The following MAP7 variants were observed in gnomAD, a reference collection of about 807,000 sequenced individuals.
MAP7 encodes the protein microtubule associated protein 7.
In MAP7, 52 loss-of-function variants were observed where a neutral mutation model predicts 94.8. The ratio of observed to expected loss-of-function variants is 0.55; its 90% CI spans 0.44 to 0.69. The LOEUF is 0.69. Among genes scored for constraint, MAP7 ranks in the 30% least tolerant of loss-of-function variants. The probability of loss-of-function intolerance (pLI) is 0.00; values close to 1 mark genes in which losing one functional copy is unlikely to be tolerated. For synonymous variants in MAP7, 350 were observed against 357.0 expected, an observed-to-expected ratio of 0.98 and a Z score of 0.22; for missense variants, 940 against 964.6, an observed-to-expected ratio of 0.97 and a Z score of 0.34.
intron 3 of MAP7, among the ~76,000 whole-genome samples, chr6:136,396,347 C>T (rs560392174): frequency 6.6e-6 from 1 of 151,804 alleles, no homozygotes; most frequent in South Asian, 2.1e-4. Context: ...TTCTTGATTT[C>T]TTTTTCCACT....
intron 1 of MAP7, among the ~76,000 whole-genome samples, chr6:136,512,962 G>T (rs1458857565): frequency 2.0e-5 from 3 of 151,708 alleles, no homozygotes; most frequent in Non-Finnish European, 4.4e-5. Flanking sequence ...CTCTCAAGTT[G>T]CTAGGACTAT....
intron 1 of MAP7, among the ~76,000 whole-genome samples, chr6:136,527,091 T>C (rs112160375): frequency 0.012 from 1,789 of 152,210 alleles, 25 homozygotes; most frequent in Non-Finnish European, 0.015. Context: ...CCCCCCACCC[T>C]CAATCCCTAC....
At chr6:136,513,869 G>C (rs375907916) in intron 1 of MAP7, among the ~76,000 whole-genome samples, 9 of 152,314 alleles carry the variant, frequency 5.9e-5, no homozygotes, top group Admixed American at 3.3e-4. Context: ...AGGGTGTTAA[G>C]TGAAAATGTT....
At chr6:136,457,338 C>T (rs1803646440) in intron 1 of MAP7, among the ~76,000 whole-genome samples, 1 of 151,782 alleles carries the variant, frequency 6.6e-6, no homozygotes, top group South Asian at 2.1e-4. Context: ...CCCCCATCCC[C>T]TGCCCCAAAA....
chr6:136,397,435 A>G (rs1300248520), intron 3 of MAP7, among the ~76,000 whole-genome samples: 1 of 152,180 alleles, frequency 6.6e-6, no homozygotes, highest in African/African-American at 2.4e-5. Context: ...CTCATTAAGA[A>G]ATGATAATTT....
At chr6:136,526,082 G>C (rs1827770036) in intron 1 of MAP7, 1 of 1,427,694 alleles carries the variant, frequency 7.0e-7, no homozygotes, top group African/African-American at 1.5e-5. Flanking sequence ...TTGAGCACTT[G>C]TAATAGATCC....
intron 3 of MAP7, among the ~76,000 whole-genome samples, chr6:136,405,739 T>C (rs1785394062): frequency 6.6e-6 from 1 of 152,162 alleles, no homozygotes; most frequent in African/African-American, 2.4e-5. Context: ...TATTGCAGAA[T>C]CCGGGTGAAA....
chr6:136,435,796 G>A (rs1396306045), intron 1 of MAP7, among the ~76,000 whole-genome samples: 1 of 152,132 alleles, frequency 6.6e-6, no homozygotes, highest in African/African-American at 2.4e-5. Context: ...AAGAAAACCT[G>A]CTTTAGAAAT....
At chr6:136,453,848 T>C (rs1801928174) in intron 1 of MAP7, among the ~76,000 whole-genome samples, 1 of 152,228 alleles carries the variant, frequency 6.6e-6, no homozygotes, top group Non-Finnish European at 1.5e-5. Flanking sequence ...AAGAAATAGC[T>C]TCATAGTATT....
At chr6:136,384,835 G>A (rs1227997285) in intron 5 of MAP7, among the ~76,000 whole-genome samples, 1 of 152,078 alleles carries the variant, frequency 6.6e-6, no homozygotes, top group Non-Finnish European at 1.5e-5. Flanking sequence ...GCATACAAAA[G>A]GCAAGAATTA....
intron 1 of MAP7, among the ~76,000 whole-genome samples, chr6:136,506,706 G>C (rs879264582): frequency 6.6e-6 from 1 of 152,186 alleles, no homozygotes; most frequent in Middle Eastern, 3.2e-3. Context: ...AATGAAGCTT[G>C]AGGCGGGTGT....
chr6:136,447,622 G>A (rs1562410671), intron 1 of MAP7, among the ~76,000 whole-genome samples: 1 of 152,066 alleles, frequency 6.6e-6, no homozygotes, highest in African/African-American at 2.4e-5. Context: ...ATGTTAAACT[G>A]TAATACTTAA....
At position 136,526,277 on chromosome 6, in the gene MAP7, GCACA is replaced by G. The variant is rs61514681; in HGVS notation, c.67+24061_67+24064del. ...CTCATGCATGCACGTACACGCGCGC[GCACA>G]CACACACACACACACACACTCCTTC... On this transcript the variant is annotated intron_variant, in intron 1 of 17. Transcript: ENST00000354570. 3,597 of 914,268 alleles carry G rather than the reference GCACA, an allele frequency of 3.9e-3. 3 individuals carry two copies. Among genetic ancestry groups the G allele is most frequent in the South Asian group, 7.0e-3 (182 of 26,120 alleles). The allele number at this position is 914,268 out of a possible 1,614,324, so 56.6% of individuals were successfully genotyped here.
intron 7 of MAP7, among the ~76,000 whole-genome samples, chr6:136,373,568 T>TA (rs1325705306): frequency 1.3e-5 from 2 of 152,248 alleles, no homozygotes; most frequent in Non-Finnish European, 2.9e-5. Flanking sequence ...GAAATTCATA[T>TA]AACACTGCAT....
chr6:136,466,121 T>C (rs1269577398), intron 1 of MAP7, among the ~76,000 whole-genome samples: 1 of 152,126 alleles, frequency 6.6e-6, no homozygotes, highest in African/African-American at 2.4e-5. Context: ...ATCATGAAAA[T>C]GAGAGCATTC....
chr6:136,417,520 T>C (rs1582852323), intron 2 of MAP7, among the ~76,000 whole-genome samples: 1 of 152,242 alleles, frequency 6.6e-6, no homozygotes, highest in East Asian at 1.9e-4. Context: ...TGTATTTCTG[T>C]CAGCAATTTG....
intron 1 of MAP7, among the ~76,000 whole-genome samples, chr6:136,455,724 A>G (rs1047844841): frequency 6.6e-6 from 1 of 152,164 alleles, no homozygotes; most frequent in African/African-American, 2.4e-5. Context: ...CAACCAACAA[A>G]TGGGTCTGAA....
intron 5 of MAP7, among the ~76,000 whole-genome samples, chr6:136,387,270 G>C (rs1779418332): frequency 6.6e-6 from 1 of 152,098 alleles, no homozygotes; most frequent in Non-Finnish European, 1.5e-5. Context: ...AGCTAAACTG[G>C]AAGTACTTTG....
chr6:136,359,410 A>C (rs1280180819), intron 15 of MAP7, among the ~76,000 whole-genome samples: 3 of 152,220 alleles, frequency 2.0e-5, no homozygotes, highest in Non-Finnish European at 4.4e-5. Flanking sequence ...CCAATGTGTA[A>C]ATTTAAAGTC....
Sources: allele counts gnomAD v4.1 joint callset (sites outside exome capture counted in the v4.1 genomes callset), GRCh38; gene constraint gnomAD v4.1.1; transcripts MANE v1.5; gene names NCBI Gene and HGNC (gene_info 2026-07-23, HGNC 2026-07-21).